SLC24A2: variants seen among roughly 807,000 people sequenced by gnomAD.
SLC24A2 encodes solute carrier family 24 member 2, also known as sodium/potassium/calcium exchanger 2.
A neutral mutation model predicts 62.0 loss-of-function variants in SLC24A2; 36 were observed. The ratio of observed to expected loss-of-function variants is 0.58; its 90% CI spans 0.44 to 0.77. The LOEUF (loss-of-function observed/expected upper bound fraction) is 0.77. SLC24A2 is among the 30% of genes least tolerant of loss of function. The probability of loss-of-function intolerance (pLI) is 0.00; values close to 1 mark genes in which losing one functional copy is unlikely to be tolerated. For synonymous variants in SLC24A2, 358 were observed against 294.0 expected (o/e 1.22, Z -2.23); for missense variants, 846 against 817.9 (o/e 1.03, Z -0.42).
At chr9:20,165,934 G>C in the SLC24A2 span, among the ~76,000 whole-genome samples, 2 of 151,694 alleles carry the variant, frequency 1.3e-5, no homozygotes, top group Non-Finnish European at 2.9e-5. Context: ...TTTTTAAATT[G>C]GGCAAGGGGG....
intron 4 of SLC24A2, among the ~76,000 whole-genome samples, chr9:19,618,457 G>A (rs1751387708): frequency 6.6e-6 from 1 of 152,188 alleles, no homozygotes; most frequent in African/African-American, 2.4e-5. Context: ...TGGTATAACA[G>A]GAAGATGATT....
chr9:19,903,760 T>C, the SLC24A2 span, among the ~76,000 whole-genome samples: 2 of 152,278 alleles, frequency 1.3e-5, no homozygotes, highest in South Asian at 4.2e-4. Flanking sequence ...ACACGAGACC[T>C]CTTTAAGATG....
the SLC24A2 span, among the ~76,000 whole-genome samples, chr9:19,816,151 C>T: frequency 2.0e-5 from 3 of 151,900 alleles, no homozygotes; most frequent in African/African-American, 7.3e-5. Context: ...TTCTGTCTTT[C>T]TTTCCTTCTT....
At chr9:19,876,365 C>CGTGTGTGT in the SLC24A2 span, among the ~76,000 whole-genome samples, 2,419 of 145,592 alleles carry the variant, frequency 0.017, 41 homozygotes, top group Non-Finnish European at 0.024. Context: ...TTATTGAAGG[C>CGTGTGTGT]GTGTGTGTGT....
At chr9:19,942,572 T>G in the SLC24A2 span, among the ~76,000 whole-genome samples, 4 of 152,162 alleles carry the variant, frequency 2.6e-5, no homozygotes, top group African/African-American at 9.7e-5. Flanking sequence ...AAAAGACAGC[T>G]TAACATGGTG....
chr9:19,552,002 T>C (rs938578005), intron 7 of SLC24A2, among the ~76,000 whole-genome samples: 5 of 152,244 alleles, frequency 3.3e-5, no homozygotes, highest in Admixed American at 3.3e-4. Flanking sequence ...ACAGCAAATA[T>C]GGTGGAATTA....
chr9:20,006,183 T>A, the SLC24A2 span, among the ~76,000 whole-genome samples: 1 of 151,622 alleles, frequency 6.6e-6, no homozygotes, highest in Admixed American at 6.6e-5. Flanking sequence ...TATTAATATG[T>A]AATTAAATTT....
chr9:19,524,518 T>G (rs1213270238), intron 9 of SLC24A2, among the ~76,000 whole-genome samples: 2 of 152,054 alleles, frequency 1.3e-5, no homozygotes, highest in African/African-American at 2.4e-5. Flanking sequence ...AAATAGCATT[T>G]ATGATAAAAG....
intron 2 of SLC24A2, among the ~76,000 whole-genome samples, chr9:19,740,039 G>T (rs1335512657): frequency 6.6e-6 from 1 of 152,188 alleles, no homozygotes; most frequent in African/African-American, 2.4e-5. Context: ...AAGTGACAAT[G>T]GGGTACCATG....
intron 10 of SLC24A2, among the ~76,000 whole-genome samples, chr9:19,520,501 A>G (rs1833140359): frequency 6.6e-6 from 1 of 152,176 alleles, no homozygotes; most frequent in Non-Finnish European, 1.5e-5. Flanking sequence ...TGTTTTCCCC[A>G]ATCTGCCTTA....
chr9:19,789,860 C>G (rs191225613), upstream of SLC24A2, among the ~76,000 whole-genome samples: 2 of 152,310 alleles, frequency 1.3e-5, no homozygotes, highest in East Asian at 3.9e-4. Context: ...CGCACATTTT[C>G]CCCTCTCCTT....
the SLC24A2 span, among the ~76,000 whole-genome samples, chr9:19,979,364 A>G: frequency 6.6e-6 from 1 of 152,294 alleles, no homozygotes; most frequent in East Asian, 1.9e-4. Context: ...AAGGGAATGG[A>G]ACACATCATC....
chr9:19,932,745 C>G, the SLC24A2 span, among the ~76,000 whole-genome samples: 1 of 152,188 alleles, frequency 6.6e-6, no homozygotes, highest in Non-Finnish European at 1.5e-5. Flanking sequence ...ACAATACCCT[C>G]TCTTTGAAAA....
chr9:20,275,983 C>T, the SLC24A2 span, among the ~76,000 whole-genome samples: 1 of 152,154 alleles, frequency 6.6e-6, no homozygotes, highest in African/African-American at 2.4e-5. Flanking sequence ...CCTCCCATGA[C>T]ACGTGGGGAT....
the SLC24A2 span, among the ~76,000 whole-genome samples, chr9:19,822,112 T>C: frequency 2.6e-5 from 4 of 152,258 alleles, no homozygotes; most frequent in East Asian, 5.8e-4. Flanking sequence ...GTGCTGGAAG[T>C]TGTACTTTTT....
intron 5 of SLC24A2, among the ~76,000 whole-genome samples, chr9:19,589,465 C>CT (rs1314156756): frequency 1.3e-5 from 2 of 152,188 alleles, no homozygotes; most frequent in Admixed American, 1.3e-4. Flanking sequence ...GTAGTGTTTG[C>CT]TTTTTTACTT....
intron 2 of SLC24A2, among the ~76,000 whole-genome samples, chr9:19,662,517 C>T (rs898603322): frequency 6.6e-6 from 1 of 152,144 alleles, no homozygotes; most frequent in Non-Finnish European, 1.5e-5. Context: ...TCACCATGCC[C>T]GGTGTTAGTT....
intron 2 of SLC24A2, among the ~76,000 whole-genome samples, chr9:19,657,794 C>T (rs12005096): frequency 0.019 from 2,821 of 152,196 alleles, 88 homozygotes; most frequent in African/African-American, 0.064. Context: ...GTGGCACAAT[C>T]CCAGCCCACT....
chr9:19,652,666 A>G (rs1168185194), intron 2 of SLC24A2, among the ~76,000 whole-genome samples: 3 of 152,220 alleles, frequency 2.0e-5, no homozygotes, highest in Non-Finnish European at 4.4e-5. Flanking sequence ...GAATTTTAAC[A>G]TAATCAATAT....
Sources: allele counts gnomAD v4.1 joint callset (sites outside exome capture counted in the v4.1 genomes callset), GRCh38; gene constraint gnomAD v4.1.1; transcripts MANE v1.5; gene names NCBI Gene and HGNC (gene_info 2026-07-23, HGNC 2026-07-21).